Variants in SIAE observed in about 807,000 individuals in gnomAD.
The protein encoded by SIAE is sialate O-acetylesterase.
In SIAE, 39 loss-of-function variants were observed where a neutral mutation model predicts 52.6. The ratio of observed to expected loss-of-function variants is 0.74; its 90% CI spans 0.57 to 0.97. SIAE has a LOEUF of 0.97. SIAE is among the 50% of genes least tolerant of loss of function. SIAE has a pLI of 0.00. For synonymous variants in SIAE, 233 were observed against 241.4 expected (o/e 0.97, Z 0.32); for missense variants, 592 against 662.1 (o/e 0.89, Z 1.16).
chr11:124,638,484 G>C (rs1464208535), intron 9 of SIAE, 58 bp downstream of exon 9: 2 of 1,576,532 alleles, frequency 1.3e-6, no homozygotes, highest in African/African-American at 1.3e-5. Flanking sequence ...CTCAAGTGCG[G>C]AGGAAATCTT....
At chr11:124,667,741 G>C (rs1197680294) in intron 2 of SIAE, among the ~76,000 whole-genome samples, 1 of 152,092 alleles carries the variant, frequency 6.6e-6, no homozygotes, top group African/African-American at 2.4e-5. Flanking sequence ...GTAACATCCA[G>C]CCCTGAGCAT....
At position 124,670,490 on chromosome 11, in the gene SIAE, T is replaced by C. The variant is rs1943336230; in HGVS notation, c.68-969A>G. On this transcript the variant is annotated intron_variant, in intron 1 of 9. Coordinates refer to ENST00000263593, the MANE Select transcript of SIAE (RefSeq NM_170601.5). The surrounding 1 kb of genome is among the most constrained non-coding windows in gnomAD (Gnocchi z 4.5). ...AAATAAAACAAATTATATCCCAATTTATCTGAATAAAACAGACCCCAAACT... is the reference window on the plus strand; with the variant it reads ...AAATAAAACAAATTATATCCCAATTCATCTGAATAAAACAGACCCCAAACT... 6.6e-6 allele frequency among the ~76,000 whole-genome samples: 1 copy of C among 152,226 alleles called. No homozygotes were observed. The highest frequency in any genetic ancestry group is 2.4e-5 in the African/African-American group (1 of 41,462).
intron 3 of SIAE, chr11:124,659,385 T>C (rs1441930769): frequency 2.6e-5 from 4 of 152,176 alleles, no homozygotes; most frequent in African/African-American, 4.8e-5. Flanking sequence ...TCTACTCTCT[T>C]ATGCTAAAAG....
At chr11:124,642,604 G>A (rs753950608) in intron 7 of SIAE, among the ~76,000 whole-genome samples, 20 of 152,232 alleles carry the variant, frequency 1.3e-4, no homozygotes, top group Non-Finnish European at 2.1e-4. Context: ...TTAGGCGGAT[G>A]ACCCACAGGG....
chr11:124,654,290 CAG>C, intron 4 of SIAE: 1 of 985,448 alleles, frequency 1.0e-6, no homozygotes, highest in Non-Finnish European at 1.2e-6. Context: ...GAACCCAAAT[CAG>C]AGTTAGCCCT....
rs1164195979 is a variant in SIAE at position 124,666,191 on chromosome 11, G to A, written c.229+3169C>T. On this transcript the variant is annotated intron_variant, in intron 2 of 9. Coordinates refer to ENST00000263593, the MANE Select transcript of SIAE (RefSeq NM_170601.5). ...TCTGCTGGACAAAAACCTTTATGCT[G>A]TTATATCTTACTTTGTTCTGGGTAC... 2.6e-5 allele frequency among the ~76,000 whole-genome samples: 4 copies of A among 152,226 alleles called. No individual in the cohort carries two copies. In the East Asian group the frequency reaches 7.7e-4, roughly 29 times the overall value.
rs538867541 is a variant in SIAE, at chr11:124,670,646, G to A, written c.68-1125C>T. Reference sequence around the variant, plus strand: ...AGCTACAAATGATGAGGGCCCCTTCGGCTATACTTAACAGGGCAGCACAGC... The same window carrying A: ...AGCTACAAATGATGAGGGCCCCTTCAGCTATACTTAACAGGGCAGCACAGC... On this transcript the variant is annotated intron_variant, in intron 1 of 9. Coordinates refer to ENST00000263593, the MANE Select transcript of SIAE (RefSeq NM_170601.5). This position sits in a 1 kb window ranked among gnomAD's most constrained non-coding sequence, Gnocchi z 4.5. 4.6e-5 allele frequency among the ~76,000 whole-genome samples: 7 copies of A among 152,166 alleles called. No homozygotes were observed. The highest frequency in any genetic ancestry group is 9.6e-5 in the African/African-American group (4 of 41,516).
chr11:124,660,390 C>T, intron 3 of SIAE: 1 of 560,142 alleles, frequency 1.8e-6, no homozygotes, highest in Admixed American at 2.4e-5. Context: ...CTTCTAAGTT[C>T]TTAACCTATA....
intron 1 of SIAE, among the ~76,000 whole-genome samples, chr11:124,671,928 ATTCT>A (rs1389401387): frequency 2.1e-5 from 3 of 140,640 alleles, no homozygotes; most frequent in Non-Finnish European, 4.5e-5. Flanking sequence ...CACCTGGCTA[ATTCT>A]TTTTTTTTTT....
intron 7 of SIAE, among the ~76,000 whole-genome samples, chr11:124,642,613 G>A (rs896670715): frequency 2.6e-5 from 4 of 152,216 alleles, no homozygotes; most frequent in Admixed American, 6.5e-5. Flanking sequence ...TGACCCACAG[G>A]GAGCCGCATC....
rs560918850 is a variant in SIAE, at chr11:124,661,356, G to A, written c.230-553C>T. Among the ~76,000 whole-genome samples, 8 of 152,272 alleles carry A rather than the reference G, an allele frequency of 5.3e-5. No individual in the cohort carries two copies. In the South Asian group the frequency reaches 1.7e-3, roughly 32 times the overall value. The stretch of plus-strand genomic sequence containing the variant: ...TGGGTTTTCCTAACAGCAAACTGTT[G>A]AGTGGAGAAACCGACACATCAAAAA... On this transcript the variant is annotated intron_variant, in intron 2 of 9. Transcript: ENST00000263593.
intron 4 of SIAE, 192 bp downstream of exon 4, chr11:124,654,463 G>T (rs1943064930): frequency 1.0e-6 from 1 of 985,312 alleles, no homozygotes; most frequent in Admixed American, 6.2e-5. Flanking sequence ...ACAGCAAGAG[G>T]GAAGATTTGT....
Position 124,638,221 on chromosome 11 carries a change from A to G in SIAE, c.1320+321T>C, listed in dbSNP as rs2187153. ...AATATTCTGGAGCAAGGATCCTTCA[A>G]TAGGTAACCTACAAATAAAGCTGCA... On this transcript the variant is annotated intron_variant, in intron 9 of 9. Coordinates refer to ENST00000263593, the MANE Select transcript of SIAE (RefSeq NM_170601.5). 8.9e-3 allele frequency among the ~76,000 whole-genome samples: 1,352 copies of G among 152,400 alleles called. 26 individuals carry two copies. In the East Asian group the frequency reaches 0.092, roughly 10 times the overall value.
rs1591392109 is a variant in SIAE at position 124,658,261 on chromosome 11, C to T, written c.405+2367G>A. 2.0e-5 allele frequency among the ~76,000 whole-genome samples: 3 copies of T among 149,186 alleles called. No homozygotes were observed. The South Asian group carries it at 6.3e-4, about 31-fold the overall frequency. ...CTGTGCACACACACACACACACACA[C>T]AGAAGGACAGAAACTTTATTTACTT... is the stretch of plus-strand genomic sequence containing the variant. On this transcript the variant is annotated intron_variant, in intron 3 of 9. Transcript: ENST00000263593.
At position 124,637,140 on chromosome 11, in the gene SIAE, G is replaced by A. The variant is rs1942760969; in HGVS notation, c.1383C>T (p.Thr461=). The A allele has an allele frequency of 6.2e-7, 1 of 1,614,170 alleles. No individual in the cohort carries two copies. The change falls in exon 10 of 10, where the codon ACC becomes ACT. Residue 461 remains threonine (T), a synonymous_variant. Coordinates refer to ENST00000263593, the MANE Select transcript of SIAE (RefSeq NM_170601.5). ...WLPASMNTVS[T]QSLTLAIDSC... The stretch of plus-strand genomic sequence containing the variant: ...AATCGATCGCCAGGGTCAGGGACTG[G>A]GTGGAGACGGTGTTCATAGAAGCTG...
chr11:124,653,056 G>C (rs966080421), intron 4 of SIAE, among the ~76,000 whole-genome samples: 2 of 152,174 alleles, frequency 1.3e-5, no homozygotes, highest in African/African-American at 4.8e-5. Flanking sequence ...AGTTCATAGA[G>C]CAAAGGATTC....
At chr11:124,647,608 C>T in intron 6 of SIAE, 110 bp from the exon 7 acceptor site, 1 of 1,345,038 alleles carries the variant, frequency 7.4e-7, no homozygotes, top group Non-Finnish European at 1.0e-6. Context: ...CCCACGGTCT[C>T]TCTGGACTGG....
intron 1 of SIAE, among the ~76,000 whole-genome samples, chr11:124,669,837 C>T (rs1032391409): frequency 1.1e-4 from 16 of 152,322 alleles, no homozygotes; most frequent in Middle Eastern, 3.4e-3. Flanking sequence ...TTGGCCCTAA[C>T]GCTGGGCTCT....
At chr11:124,646,933 A>C (rs1942944141) in intron 7 of SIAE, among the ~76,000 whole-genome samples, 1 of 152,250 alleles carries the variant, frequency 6.6e-6, no homozygotes, top group South Asian at 2.1e-4. Context: ...TGACATGAAA[A>C]ATCGTTTACT....
Sources: allele counts gnomAD v4.1 joint callset (sites outside exome capture counted in the v4.1 genomes callset), GRCh38; gene constraint gnomAD v4.1.1; non-coding constraint Gnocchi (gnomAD v3.1); transcripts MANE v1.5; gene names NCBI Gene and HGNC (gene_info 2026-07-23, HGNC 2026-07-21).